TRMT11: variants seen among roughly 807,000 people sequenced by gnomAD.
TRMT11 encodes the protein tRNA methyltransferase 11.
TRMT11 carries 53 observed loss-of-function variants against 62.8 expected under a neutral mutation model. That is an observed-to-expected ratio of 0.84 (90% CI 0.68 to 1.06). The LOEUF is 1.06. TRMT11 is among the 50% of genes least tolerant of loss of function. The pLI, the probability that TRMT11 is intolerant of heterozygous loss-of-function variation, is 0.00. For missense variants in TRMT11, 556 were observed against 553.4 expected, an observed-to-expected ratio of 1.00 and a Z score of -0.05; for synonymous variants, 188 against 190.3, an observed-to-expected ratio of 0.99 and a Z score of 0.10.
At chr6:126,222,673 T>G in the TRMT11 span, among the ~76,000 whole-genome samples, 1 of 152,216 alleles carries the variant, frequency 6.6e-6, no homozygotes, top group African/African-American at 2.4e-5. Flanking sequence ...GTTTTTCATT[T>G]GTTTGATGGG....
Position 126,093,578 on chromosome 6 carries a change from T to C in TRMT11, c.*1438-19288T>C, listed in dbSNP as rs562554678. On this transcript the variant is annotated intron_variant and NMD_transcript_variant, in intron 17 of 22. Coordinates refer to the TRMT11 transcript ENST00000648977. The stretch of plus-strand genomic sequence containing the variant: ...TGGTACTCTAGTGTAGGTAACAGGA[T>C]ATGTATGTATATATATATATATATA... Among the ~76,000 whole-genome samples the C allele has an allele frequency of 8.6e-5, 7 of 81,678 alleles. No homozygotes were observed. The East Asian group carries it at 9.7e-4, about 11-fold the overall frequency. 53.6% of individuals were successfully genotyped at this position (81,678 alleles called of 152,430 possible).
the TRMT11 span, among the ~76,000 whole-genome samples, chr6:126,226,446 A>G: frequency 1.3e-5 from 2 of 152,366 alleles, no homozygotes; most frequent in East Asian, 3.9e-4. Context: ...TAACCAAAAT[A>G]ATCATATTCA....
At chr6:126,171,206 A>G (rs1295485508) in intron 21 of TRMT11, among the ~76,000 whole-genome samples, 2 of 152,056 alleles carry the variant, frequency 1.3e-5, no homozygotes, top group Admixed American at 1.3e-4. Flanking sequence ...AGGAGGCTAT[A>G]TGTATTTTTA....
At chr6:126,044,451 A>G (rs907275545) in intron 16 of TRMT11, among the ~76,000 whole-genome samples, 43 of 152,150 alleles carry the variant, frequency 2.8e-4, no homozygotes, top group Admixed American at 1.0e-3. Context: ...TGTTTTGGTT[A>G]CTGTAGCCTT....
chr6:126,226,352 T>G, the TRMT11 span, among the ~76,000 whole-genome samples: 1 of 152,314 alleles, frequency 6.6e-6, no homozygotes, highest in East Asian at 1.9e-4. Flanking sequence ...CAAGAAGCTG[T>G]ATAGACCTTG....
rs80100346 is a variant in TRMT11, at chr6:126,075,081, A to G, written c.*1437+21891A>G. ...CTTTTCAGGGTGTCGAGTTTCTGCTATTGTGTTCTAAATGCCAATTAAGTG... is the reference window on the plus strand; with the variant it reads ...CTTTTCAGGGTGTCGAGTTTCTGCTGTTGTGTTCTAAATGCCAATTAAGTG... On this transcript the variant is annotated intron_variant and NMD_transcript_variant, in intron 17 of 22. Coordinates refer to the TRMT11 transcript ENST00000648977. Among the ~76,000 whole-genome samples, 1,043 of 152,276 alleles carry G rather than the reference A, an allele frequency of 6.8e-3. 16 individuals carry two copies. Among genetic ancestry groups the G allele is most frequent in the African/African-American group, 0.024 (1,004 of 41,564 alleles).
At chr6:126,196,479 T>C (rs901464685) in intron 1 of TRMT11, among the ~76,000 whole-genome samples, 1 of 152,172 alleles carries the variant, frequency 6.6e-6, no homozygotes, top group Middle Eastern at 3.4e-3. Flanking sequence ...ATAAAAATTT[T>C]CTTTTTATTA....
rs1795180668 is a variant in TRMT11, at chr6:126,017,653, T to TGTC, written c.1140-3506_1140-3504dup. 1.3e-5 allele frequency among the ~76,000 whole-genome samples: 2 copies of TGTC among 152,242 alleles called. 1 individual carries two copies. The highest frequency in any genetic ancestry group is 4.8e-5 in the African/African-American group (2 of 41,464). On this transcript the variant is annotated intron_variant, in intron 11 of 12. Transcript: ENST00000334379. ...GTCATTTTTCTAGGCCTGGCTTAATTGTCACCACTTCTGTGACACTTTCTC... is the reference window on the plus strand; with the variant it reads ...GTCATTTTTCTAGGCCTGGCTTAATTGTCGTCACCACTTCTGTGACACTTTCTC...
At chr6:126,177,023 A>AG (rs150966074), upstream of TRMT11, among the ~76,000 whole-genome samples, 70 of 152,050 alleles carry the variant, frequency 4.6e-4, no homozygotes, top group East Asian at 0.013. Flanking sequence ...AAAAAAAAAA[A>AG]CAAAGAAATT....
At chr6:126,151,817 T>TCTTTAGTTTC (rs1778047403) in intron 21 of TRMT11, among the ~76,000 whole-genome samples, 5 of 116,410 alleles carry the variant, frequency 4.3e-5, no homozygotes, top group African/African-American at 1.3e-4. Context: ...TTTCTTTCTT[T>TCTTTAGTTTC]CTTTCTTTCT....
chr6:126,241,001 T>A, the TRMT11 span, among the ~76,000 whole-genome samples: 2 of 152,326 alleles, frequency 1.3e-5, no homozygotes, highest in South Asian at 2.1e-4. Context: ...CATAGGACCC[T>A]CCGAGCCAGG....
the TRMT11 span, among the ~76,000 whole-genome samples, chr6:126,252,234 C>T: frequency 2.6e-5 from 4 of 152,194 alleles, no homozygotes; most frequent in Non-Finnish European, 2.9e-5. Flanking sequence ...TGGGACTTGG[C>T]GGTGCCCCCT....
At chr6:126,027,983 A>G (rs1224625811) in intron 12 of TRMT11, among the ~76,000 whole-genome samples, 1 of 152,326 alleles carries the variant, frequency 6.6e-6, no homozygotes, top group African/African-American at 2.4e-5. Context: ...TAGTTTACAT[A>G]TTAGAATGAT....
the TRMT11 span, among the ~76,000 whole-genome samples, chr6:126,209,345 T>C: frequency 6.6e-6 from 1 of 152,110 alleles, no homozygotes; most frequent in Admixed American, 6.6e-5. Flanking sequence ...GAGTTATGAG[T>C]CTAAACTACT....
At chr6:126,070,166 G>A (rs763885410) in intron 17 of TRMT11, among the ~76,000 whole-genome samples, 1 of 152,170 alleles carries the variant, frequency 6.6e-6, no homozygotes, top group African/African-American at 2.4e-5. Flanking sequence ...TGCTTGAGGT[G>A]TGCTTCCCAT....
chr6:126,177,429 T>G (rs536184834), intron 1 of TRMT11: 3 of 152,342 alleles, frequency 2.0e-5, no homozygotes, highest in Admixed American at 2.0e-4. Flanking sequence ...ACTCTCGATG[T>G]GCAGATACCA....
chr6:126,133,862 C>T (rs1410126713), intron 21 of TRMT11, among the ~76,000 whole-genome samples: 2 of 151,634 alleles, frequency 1.3e-5, no homozygotes, highest in African/African-American at 2.4e-5. Context: ...TATTGAACCT[C>T]AATATCTAAT....
At chr6:126,177,059 T>C (rs1382064928), upstream of TRMT11, 2 of 151,214 alleles carry the variant, frequency 1.3e-5, no homozygotes, top group African/African-American at 4.9e-5. Context: ...TTAGCTGAGA[T>C]GAAGAGTAAA....
chr6:126,094,589 G>A (rs1034497341), intron 17 of TRMT11, among the ~76,000 whole-genome samples: 2 of 152,230 alleles, frequency 1.3e-5, no homozygotes, highest in East Asian at 1.9e-4. Context: ...ATTTCCTTTA[G>A]TCTCAGAGGC....
Sources: allele counts gnomAD v4.1 joint callset (sites outside exome capture counted in the v4.1 genomes callset), GRCh38; gene constraint gnomAD v4.1.1; transcripts MANE v1.5; gene names NCBI Gene and HGNC (gene_info 2026-07-23, HGNC 2026-07-21).